The following ZNF385D variants were observed in gnomAD, a reference collection of about 807,000 sequenced individuals.
ZNF385D encodes zinc finger protein 659.
In ZNF385D, 15 loss-of-function variants were observed where a neutral mutation model predicts 35.8. The observed-to-expected ratio is 0.42, with a 90% CI of 0.28 to 0.64. The LOEUF is 0.64. Among genes scored for constraint, ZNF385D ranks in the 30% least tolerant of loss-of-function variants. The probability of loss-of-function intolerance (pLI) is 0.23; values close to 1 mark genes in which losing one functional copy is unlikely to be tolerated. For missense variants in ZNF385D, 474 were observed against 494.6 expected (o/e 0.96, Z 0.39); for synonymous variants, 212 against 186.8 (o/e 1.13, Z -1.10).
intron 3 of ZNF385D, among the ~76,000 whole-genome samples, chr3:21,869,041 C>T (rs1697542825): frequency 6.6e-6 from 1 of 152,056 alleles, no homozygotes; most frequent in African/African-American, 2.4e-5. Context: ...TTCTGTTTCA[C>T]TGGGAGTTTA....
chr3:22,224,321 T>C (rs1000476754), intron 2 of ZNF385D, among the ~76,000 whole-genome samples: 3 of 152,210 alleles, frequency 2.0e-5, no homozygotes, highest in African/African-American at 7.2e-5. Flanking sequence ...ACATGCTACT[T>C]ACCAGCTTAG....
At chr3:21,563,113 T>TTGGGAGATGATTAAGTCATGA (rs2063014409) in intron 3 of ZNF385D, 2 of 152,192 alleles carry the variant, frequency 1.3e-5, no homozygotes, top group African/African-American at 2.4e-5. Flanking sequence ...GTGGAACCTT[T>TTGGGAGATGATTAAGTCATGA]TGGGAGATGA....
intron 3 of ZNF385D, among the ~76,000 whole-genome samples, chr3:21,968,950 T>C (rs1001556272): frequency 6.6e-6 from 1 of 152,194 alleles, no homozygotes; most frequent in African/African-American, 2.4e-5. Flanking sequence ...AGCTGCTGGA[T>C]GATATTGCTG....
At position 22,010,942 on chromosome 3, in the gene ZNF385D, A is replaced by G. The variant is rs189729051; in HGVS notation, c.325+157875T>C. Reference sequence around the variant, plus strand: ...CTCACCCTCATTGAAAATATCATCTACTCAGAACCAAAGATACATGAATAC... The same window carrying G: ...CTCACCCTCATTGAAAATATCATCTGCTCAGAACCAAAGATACATGAATAC... On this transcript the variant is annotated intron_variant, in intron 3 of 5. Coordinates refer to the ZNF385D transcript ENST00000494108. Among the ~76,000 whole-genome samples the G allele has an allele frequency of 2.6e-3, 392 of 152,204 alleles. 1 individual carries two copies. The highest frequency in any genetic ancestry group is 8.7e-3 in the African/African-American group (363 of 41,524).
intron 3 of ZNF385D, among the ~76,000 whole-genome samples, chr3:21,920,670 T>G (rs1700413644): frequency 1.3e-5 from 2 of 150,810 alleles, no homozygotes; most frequent in Non-Finnish European, 1.5e-5. Context: ...CTTCATGCTC[T>G]AGGATACTAT....
At chr3:22,322,322 T>C (rs1024730894) in intron 2 of ZNF385D, among the ~76,000 whole-genome samples, 1 of 152,144 alleles carries the variant, frequency 6.6e-6, no homozygotes, top group Non-Finnish European at 1.5e-5. Flanking sequence ...TCCTCAAATA[T>C]ATTTTTTTGT....
At chr3:21,998,765 A>C (rs1303533156) in intron 3 of ZNF385D, among the ~76,000 whole-genome samples, 2 of 152,212 alleles carry the variant, frequency 1.3e-5, no homozygotes, top group African/African-American at 4.8e-5. Flanking sequence ...TCAATACTTC[A>C]GTTATTTAAA....
Position 21,455,568 on chromosome 3 carries a change from C to G in ZNF385D, c.440-18365G>C, listed in dbSNP as rs533973242. ...CTGAAACTGGATCCCTTCCTTACAC[C>G]TTTTACAAAAATTAATTCAAGATGG... On this transcript the variant is annotated intron_variant, in intron 4 of 7. Coordinates refer to ENST00000281523, the MANE Select transcript of ZNF385D (RefSeq NM_024697.3). 3.9e-5 allele frequency among the ~76,000 whole-genome samples: 6 copies of G among 152,296 alleles called. No homozygotes were observed. The South Asian group carries it at 8.3e-4, about 21-fold the overall frequency.
chr3:22,367,597 A>ATT lies in ZNF385D; in HGVS notation c.106+4851_106+4852dup, dbSNP rs11391880. ...AACTAAATACAATTTTAAAATCTAG[A>ATT]TTTTTTTTTTCAGAATGCCTTCTGG... On this transcript the variant is annotated intron_variant, in intron 2 of 5. Coordinates refer to the ZNF385D transcript ENST00000494108. Among the ~76,000 whole-genome samples, 998 of 150,880 alleles carry ATT rather than the reference A, an allele frequency of 6.6e-3. 10 individuals are homozygous for ATT. The highest frequency in any genetic ancestry group is 8.4e-3 in the Non-Finnish European group (569 of 67,680).
Position 21,945,666 on chromosome 3 carries a change from G to A in ZNF385D, c.325+223151C>T, listed in dbSNP as rs576625818. Among the ~76,000 whole-genome samples, 14 of 152,228 alleles carry A rather than the reference G, an allele frequency of 9.2e-5. No homozygotes were observed. The South Asian group carries it at 2.3e-3, about 25-fold the overall frequency. On this transcript the variant is annotated intron_variant, in intron 3 of 5. Coordinates refer to the ZNF385D transcript ENST00000494108. Reference sequence around the variant, plus strand: ...ACTTATTTCGTTGCTTTTATTGTGTGTCTGGCTCAGTGATCCTCTGCCCAA... The same window carrying A: ...ACTTATTTCGTTGCTTTTATTGTGTATCTGGCTCAGTGATCCTCTGCCCAA...
intron 3 of ZNF385D, among the ~76,000 whole-genome samples, chr3:21,794,647 T>C (rs1446892092): frequency 6.6e-6 from 1 of 152,128 alleles, no homozygotes; most frequent in Non-Finnish European, 1.5e-5. Flanking sequence ...GTCTCTTTTA[T>C]AAGCATGAAC....
intron 3 of ZNF385D, among the ~76,000 whole-genome samples, chr3:21,561,698 T>C (rs2062952662): frequency 1.3e-5 from 2 of 152,218 alleles, no homozygotes; most frequent in Admixed American, 1.3e-4. Context: ...GATTGGGGAA[T>C]GTCCAGATGG....
intron 3 of ZNF385D, among the ~76,000 whole-genome samples, chr3:22,125,405 A>G (rs112270144): frequency 2.0e-5 from 3 of 151,944 alleles, no homozygotes; most frequent in African/African-American, 7.2e-5. Context: ...TGGGACTTTT[A>G]TGGTTCCATA....
intron 3 of ZNF385D, among the ~76,000 whole-genome samples, chr3:21,514,879 G>A (rs1360443837): frequency 6.6e-6 from 1 of 151,952 alleles, no homozygotes; most frequent in Non-Finnish European, 1.5e-5. Flanking sequence ...AGCACATTGT[G>A]TTATAAAAAC....
chr3:22,041,433 A>G (rs544555287), intron 3 of ZNF385D, among the ~76,000 whole-genome samples: 2 of 152,312 alleles, frequency 1.3e-5, no homozygotes, highest in African/African-American at 4.8e-5. Flanking sequence ...CATTAAGCAA[A>G]GTGTTAAAGT....
intron 3 of ZNF385D, among the ~76,000 whole-genome samples, chr3:22,063,693 T>C (rs967520193): frequency 5.3e-5 from 8 of 152,202 alleles, no homozygotes; most frequent in African/African-American, 1.9e-4. Context: ...CCCTCAGCTC[T>C]CTGTCCTCTC....
At chr3:22,165,793 C>A (rs1400217827) in intron 3 of ZNF385D, among the ~76,000 whole-genome samples, 1 of 152,150 alleles carries the variant, frequency 6.6e-6, no homozygotes, top group East Asian at 1.9e-4. Context: ...GCAACTCTTG[C>A]CTCAACACAA....
intron 2 of ZNF385D, among the ~76,000 whole-genome samples, chr3:21,599,110 CA>C (rs1227152932): frequency 1.3e-5 from 2 of 152,124 alleles, no homozygotes; most frequent in Non-Finnish European, 1.5e-5. Flanking sequence ...AGGAGGTTAC[CA>C]AAATGCAAAT....
At chr3:21,792,209 G>C (rs1052600529) in intron 3 of ZNF385D, among the ~76,000 whole-genome samples, 2 of 152,202 alleles carry the variant, frequency 1.3e-5, no homozygotes, top group South Asian at 2.1e-4. Flanking sequence ...GATACATTCT[G>C]ATGCCCCTCT....
Sources: gnomAD v4.1 joint callset for allele counts (sites outside exome capture counted in the v4.1 genomes callset) on GRCh38, gnomAD v4.1.1 for gene constraint, MANE v1.5 for transcripts, NCBI Gene and HGNC (gene_info 2026-07-23, HGNC 2026-07-21) for gene names.